Variants in CCDC171 observed in about 807,000 individuals in gnomAD.
CCDC171 encodes coiled-coil domain containing 171.
In CCDC171, 177 loss-of-function variants were observed where a neutral mutation model predicts 168.2. The ratio of observed to expected loss-of-function variants is 1.05; its 90% CI spans 0.93 to 1.19. The LOEUF (loss-of-function observed/expected upper bound fraction) is 1.19, where lower values mean the gene tolerates loss of function less well. Among genes scored for constraint, CCDC171 ranks in the 50% most tolerant of loss-of-function variants. The pLI, the probability that CCDC171 is intolerant of heterozygous loss-of-function variation, is 0.00. For synonymous variants in CCDC171, 687 were observed against 540.8 expected, an observed-to-expected ratio of 1.27 and a Z score of -3.75; for missense variants, 1,991 against 1,539.0, an observed-to-expected ratio of 1.29 and a Z score of -4.91.
At chr9:15,906,290 C>T (rs1004517224) in intron 24 of CCDC171, among the ~76,000 whole-genome samples, 2 of 152,134 alleles carry the variant, frequency 1.3e-5, no homozygotes, top group Non-Finnish European at 2.9e-5. Flanking sequence ...TACTGGCAAA[C>T]CAAATCCAGC....
chr9:15,599,036 G>C (rs1047487103), intron 6 of CCDC171, among the ~76,000 whole-genome samples: 1 of 152,118 alleles, frequency 6.6e-6, no homozygotes, highest in Non-Finnish European at 1.5e-5. Flanking sequence ...TTGAGCCTAT[G>C]TGTGTCTCTG....
intron 16 of CCDC171, among the ~76,000 whole-genome samples, chr9:15,734,081 C>A: frequency 6.6e-6 from 1 of 152,112 alleles, no homozygotes; most frequent in Non-Finnish European, 1.5e-5. Context: ...AGCTGCAGTT[C>A]ATTTTTTGAA....
intron 9 of CCDC171, among the ~76,000 whole-genome samples, chr9:15,677,249 T>C (rs2049648746): frequency 6.6e-6 from 1 of 152,194 alleles, no homozygotes; most frequent in Admixed American, 6.6e-5. Context: ...AGTTTAGTTC[T>C]ACTTTGAGAG....
At chr9:15,590,676 A>G (rs577708463) in intron 4 of CCDC171, among the ~76,000 whole-genome samples, 1 of 152,334 alleles carries the variant, frequency 6.6e-6, no homozygotes, top group East Asian at 1.9e-4. Context: ...TTTGTTGTCA[A>G]TAGTCAAATA....
At chr9:15,960,647 G>C (rs974676348) in intron 25 of CCDC171, among the ~76,000 whole-genome samples, 1 of 152,178 alleles carries the variant, frequency 6.6e-6, no homozygotes, top group Non-Finnish European at 1.5e-5. Flanking sequence ...TGACTATCAT[G>C]TAAAGGAAAT....
chr9:16,055,695 T>C (rs1479508828), intron 1 of CCDC171, among the ~76,000 whole-genome samples: 1 of 152,246 alleles, frequency 6.6e-6, no homozygotes, highest in Non-Finnish European at 1.5e-5. Flanking sequence ...ACCTTGCATC[T>C]GCTGAACATA....
chr9:15,633,316 A>C (rs561103231), intron 7 of CCDC171, among the ~76,000 whole-genome samples: 5 of 152,340 alleles, frequency 3.3e-5, no homozygotes, highest in African/African-American at 9.6e-5. Flanking sequence ...GAACTCAAAC[A>C]AATTTACAAG....
At chr9:15,958,068 A>T (rs1000428830) in intron 25 of CCDC171, among the ~76,000 whole-genome samples, 1 of 152,162 alleles carries the variant, frequency 6.6e-6, no homozygotes, top group Admixed American at 6.6e-5. Context: ...TGCCCTGTTC[A>T]TTTTCTTTAG....
chr9:16,029,336 T>C (rs1203129734), intron 6 of CCDC171, among the ~76,000 whole-genome samples: 1 of 152,256 alleles, frequency 6.6e-6, no homozygotes, highest in African/African-American at 2.4e-5. Context: ...ACATCTGTGA[T>C]CCTGATGTTC....
chr9:15,952,398 T>G lies in CCDC171; in HGVS notation c.3754-19211T>G, dbSNP rs114886583. On this transcript the variant is annotated intron_variant, in intron 25 of 25. Transcript: ENST00000380701. ...GATTATATATGAGTTTTAAGATGGA[T>G]TTTGCTTTGTTTTTTTAGAGACAGA... 7.3e-3 allele frequency among the ~76,000 whole-genome samples: 1,113 copies of G among 152,128 alleles called. 10 individuals carry two copies. Among genetic ancestry groups the G allele is most frequent in the African/African-American group, 0.026 (1,070 of 41,518 alleles).
At chr9:15,579,213 T>C (rs932622457) in intron 4 of CCDC171, among the ~76,000 whole-genome samples, 190 bp downstream of exon 4, 1 of 152,232 alleles carries the variant, frequency 6.6e-6, no homozygotes, top group African/African-American at 2.4e-5. Flanking sequence ...TTATCTACTT[T>C]ACATTGATTT....
At chr9:15,835,741 T>G (rs2060417319) in intron 21 of CCDC171, among the ~76,000 whole-genome samples, 1 of 152,182 alleles carries the variant, frequency 6.6e-6, no homozygotes, top group African/African-American at 2.4e-5. Context: ...GTTGCATTTT[T>G]AATTACATAA....
intron 3 of CCDC171, among the ~76,000 whole-genome samples, chr9:15,574,722 A>T (rs2040500254): frequency 6.6e-6 from 1 of 152,258 alleles, no homozygotes; most frequent in African/African-American, 2.4e-5. Flanking sequence ...TATTTGCCTT[A>T]TCAGGTATTC....
At chr9:15,943,851 C>G (rs1827993211) in intron 25 of CCDC171, among the ~76,000 whole-genome samples, 1 of 151,816 alleles carries the variant, frequency 6.6e-6, no homozygotes, top group Admixed American at 6.6e-5. Context: ...GTGATAAATG[C>G]TCATGGGGTT....
At chr9:15,699,882 G>T (rs985720891) in intron 11 of CCDC171, among the ~76,000 whole-genome samples, 15 of 152,106 alleles carry the variant, frequency 9.9e-5, no homozygotes, top group Non-Finnish European at 2.2e-4. Flanking sequence ...TACACACCTT[G>T]AGCTAGATAC....
intron 11 of CCDC171, among the ~76,000 whole-genome samples, chr9:15,720,447 T>A (rs947317956): frequency 6.6e-6 from 1 of 152,186 alleles, no homozygotes; most frequent in African/African-American, 2.4e-5. Flanking sequence ...AAGATTAGTA[T>A]GTAGTAGGAA....
intron 7 of CCDC171, among the ~76,000 whole-genome samples, chr9:15,636,541 G>T (rs1323445800): frequency 1.3e-5 from 2 of 151,902 alleles, no homozygotes; most frequent in South Asian, 2.1e-4. Flanking sequence ...TTGAGACCAG[G>T]AGTTCAAGAC....
intron 16 of CCDC171, among the ~76,000 whole-genome samples, chr9:15,730,068 G>A (rs977185954): frequency 3.3e-5 from 5 of 151,760 alleles, no homozygotes; most frequent in Non-Finnish European, 7.4e-5. Flanking sequence ...AATTAAATGC[G>A]AAAATTATAT....
intron 20 of CCDC171, among the ~76,000 whole-genome samples, chr9:15,782,292 A>G (rs1005252886): frequency 6.6e-6 from 1 of 152,238 alleles, no homozygotes; most frequent in African/African-American, 2.4e-5. Context: ...TCGTTCTTTA[A>G]CAGCTAACTT....
Sources: allele counts gnomAD v4.1 joint callset (sites outside exome capture counted in the v4.1 genomes callset), GRCh38; gene constraint gnomAD v4.1.1; transcripts MANE v1.5; gene names NCBI Gene and HGNC (gene_info 2026-07-23, HGNC 2026-07-21).